The following UBR2 variants were observed in gnomAD, a reference collection of about 807,000 sequenced individuals.
UBR2 encodes ubiquitin protein ligase E3 component n-recognin 2.
In UBR2, 92 loss-of-function variants were observed where a neutral mutation model predicts 247.9. The ratio of observed to expected loss-of-function variants is 0.37; its 90% confidence interval spans 0.31 to 0.44. UBR2 has a LOEUF of 0.44. Ranked by LOEUF, UBR2 falls within the 20% of genes least tolerant of loss-of-function variation. UBR2 has a pLI of 1.00. For synonymous variants in UBR2, 672 were observed against 693.5 expected, an observed-to-expected ratio of 0.97 and a Z score of 0.49; for missense variants, 1,613 against 2,112.6, an observed-to-expected ratio of 0.76 and a Z score of 4.64.
chr6:42,674,322 T>C, intron 38 of UBR2, 129 bp downstream of exon 38: 1 of 813,204 alleles, frequency 1.2e-6, no homozygotes. Context: ...GTATAATTCT[T>C]TTATGAGAAA....
chr6:42,670,295 T>C (rs1049201910), intron 35 of UBR2, 55 bp downstream of exon 35: 23 of 1,575,036 alleles, frequency 1.5e-5, no homozygotes, highest in Non-Finnish European at 2.0e-5. Flanking sequence ...TGATATGAAT[T>C]AGGCATAGAA....
intron 4 of UBR2, among the ~76,000 whole-genome samples, chr6:42,596,720 G>A (rs1465021858): frequency 6.6e-6 from 1 of 152,126 alleles, no homozygotes; most frequent in East Asian, 1.9e-4. Flanking sequence ...AGTGAAAGAC[G>A]CTAGACTCAA....
At chr6:42,599,618 TTTGTTG>T (rs58082409) in intron 4 of UBR2, among the ~76,000 whole-genome samples, 1 of 151,164 alleles carries the variant, frequency 6.6e-6, no homozygotes, top group African/African-American at 2.4e-5. Context: ...GGGGGTTTTT[TTTGTTG>T]TTGTTGTTGT....
At chr6:42,638,714 C>T (rs946696804) in intron 15 of UBR2, among the ~76,000 whole-genome samples, 1 of 151,762 alleles carries the variant, frequency 6.6e-6, no homozygotes, top group African/African-American at 2.4e-5. Flanking sequence ...GTGGAAGTAG[C>T]ACGCAGGCGC....
intron 7 of UBR2, among the ~76,000 whole-genome samples, chr6:42,610,906 C>T (rs1386163194): frequency 6.7e-6 from 1 of 149,494 alleles, no homozygotes; most frequent in Non-Finnish European, 1.5e-5. Context: ...AGTGCAATGG[C>T]GCGATCTCAG....
At chr6:42,597,184 G>A (rs1793029640) in intron 4 of UBR2, among the ~76,000 whole-genome samples, 1 of 152,094 alleles carries the variant, frequency 6.6e-6, no homozygotes, top group African/African-American at 2.4e-5. Flanking sequence ...ATTTTAAGAA[G>A]ACACCAGCAA....
Position 42,658,742 on chromosome 6 carries a change from C to A in UBR2, c.3160C>A (p.Arg1054=). ...KIMAQMSEMQ[R]HFIDENKELF... ...CATGGCTCAGATGTCTGAAATGCAG[C>A]GGCATTTTATTGATGAAAACAAAGA... The change falls in exon 29 of 47, where the codon CGG becomes AGG. Residue 1054 remains arginine, a synonymous_variant. Coordinates refer to ENST00000372901, the MANE Select transcript of UBR2 (RefSeq NM_001363705.2). 1 of 1,611,716 alleles carries A rather than the reference C, an allele frequency of 6.2e-7. No individual in the cohort carries two copies. The highest frequency in any genetic ancestry group is 2.2e-5 in the East Asian group (1 of 44,768).
intron 38 of UBR2, among the ~76,000 whole-genome samples, 196 bp downstream of exon 38, chr6:42,674,389 C>T (rs945373315): frequency 6.6e-6 from 1 of 152,286 alleles, no homozygotes; most frequent in Middle Eastern, 3.4e-3. Context: ...GTTATCGAGA[C>T]GTCCTCTGAC....
intron 11 of UBR2, among the ~76,000 whole-genome samples, chr6:42,632,067 A>ATATATATAT (rs60620486): frequency 4.0e-4 from 32 of 80,386 alleles, no homozygotes; most frequent in African/African-American, 1.7e-3. Flanking sequence ...AAAAAAAAAA[A>ATATATATAT]AAATATATAT....
In UBR2 at chr6:42,658,667, G is replaced by A; in HGVS notation, c.3085G>A (p.Ala1029Thr). The A allele has an allele frequency of 6.2e-7, 1 of 1,611,354 alleles. No individual in the cohort carries two copies. The highest frequency in any genetic ancestry group is 8.5e-7 in the Non-Finnish European group (1 of 1,179,174). The change falls in exon 29 of 47, where the codon GCT (alanine) becomes ACT (threonine). Residue 1029 changes from alanine (A) to threonine (T), a missense_variant. Physicochemically the swap from Ala to Thr is moderately conservative, Grantham distance 58 (BLOSUM62 0). Transcript: ENST00000372901. Reference sequence around the variant, plus strand: ...TCAGAGTTCAAGGGACAAAGACAAAGCTGAGAGGAAGAGAAAAGCAGAGAT... The same window carrying A: ...TCAGAGTTCAAGGGACAAAGACAAAACTGAGAGGAAGAGAAAAGCAGAGAT... The part of the protein sequence containing the change: ...MEESSRDKDK[A>T]ERKRKAEIAR...
chr6:42,654,108 C>T (rs779931658), intron 25 of UBR2, among the ~76,000 whole-genome samples: 2 of 152,128 alleles, frequency 1.3e-5, no homozygotes, highest in Admixed American at 6.6e-5. Flanking sequence ...GAGTAGCTAT[C>T]ATTCTTTCTT....
chr6:42,640,382 AGGTGTGTGTGTG>A (rs1449865539), intron 16 of UBR2, 112 bp downstream of exon 16: 3 of 318,356 alleles, frequency 9.4e-6, no homozygotes, highest in Non-Finnish European at 1.6e-5. Context: ...AGAACCAGTA[AGGTGTGTGTGTG>A]TGTGTGTGTG....
intron 4 of UBR2, among the ~76,000 whole-genome samples, chr6:42,602,056 A>G (rs925064426): frequency 4.0e-5 from 6 of 150,716 alleles, no homozygotes; most frequent in African/African-American, 1.5e-4. Flanking sequence ...TTTAGTAGAG[A>G]TGAGGTTTCA....
chr6:42,685,227 C>T (rs1345621051), intron 44 of UBR2, among the ~76,000 whole-genome samples: 1 of 152,098 alleles, frequency 6.6e-6, no homozygotes. Context: ...AGGAGAATCA[C>T]TTGAACCTGA....
chr6:42,565,620 G>A (rs1266942483), intron 1 of UBR2, among the ~76,000 whole-genome samples: 2 of 152,124 alleles, frequency 1.3e-5, no homozygotes, highest in Admixed American at 6.6e-5. Flanking sequence ...GAGTGCAGTG[G>A]CGCGATCTCA....
intron 44 of UBR2, 150 bp from the exon 45 acceptor site, chr6:42,688,066 A>T (rs1799546178): frequency 5.0e-6 from 4 of 801,292 alleles, no homozygotes; most frequent in Non-Finnish European, 8.0e-6. Context: ...CCTATTCCAG[A>T]TTCTAGGAAT....
At chr6:42,629,046 C>T (rs1032556691) in intron 11 of UBR2, among the ~76,000 whole-genome samples, 3 of 151,836 alleles carry the variant, frequency 2.0e-5, no homozygotes, top group Admixed American at 6.6e-5. Flanking sequence ...GATAGAGTTT[C>T]GCTCTTGTCA....
At chr6:42,642,652 A>G (rs1796515737) in intron 18 of UBR2, among the ~76,000 whole-genome samples, 171 bp downstream of exon 18, 1 of 152,108 alleles carries the variant, frequency 6.6e-6, no homozygotes, top group South Asian at 2.1e-4. Context: ...TTCCATCTAT[A>G]TTTCCTAGAC....
intron 11 of UBR2, among the ~76,000 whole-genome samples, chr6:42,621,608 A>G (rs181120180): frequency 3.4e-3 from 518 of 152,114 alleles, no homozygotes; most frequent in South Asian, 0.018. Flanking sequence ...GATTATAGGC[A>G]TGCGCCACCA....
Sources: allele counts gnomAD v4.1 joint callset (sites outside exome capture counted in the v4.1 genomes callset), GRCh38; gene constraint gnomAD v4.1.1; transcripts MANE v1.5; gene names NCBI Gene and HGNC (gene_info 2026-07-23, HGNC 2026-07-21).